RFX2: variants seen among roughly 807,000 people sequenced by gnomAD.
RFX2 encodes regulatory factor X2.
A neutral mutation model predicts 87.8 loss-of-function variants in RFX2; 20 were observed. The observed-to-expected ratio is 0.23, with a 90% CI of 0.16 to 0.33. The LOEUF (loss-of-function observed/expected upper bound fraction) is 0.33. RFX2 is among the 10% of genes least tolerant of loss of function. The probability of loss-of-function intolerance (pLI) is 1.00; values close to 1 mark genes in which losing one functional copy is unlikely to be tolerated. For synonymous variants in RFX2, 397 were observed against 431.3 expected (o/e 0.92, Z 0.98); for missense variants, 767 against 1,012.3 (o/e 0.76, Z 3.29).
intron 1 of RFX2, among the ~76,000 whole-genome samples, chr19:6,109,065 G>A (rs1369578651): frequency 1.3e-5 from 2 of 152,014 alleles, no homozygotes; most frequent in Non-Finnish European, 2.9e-5. Flanking sequence ...GGTGGGCGGT[G>A]GGGGCAGGGG....
rs1044787402 is a variant in RFX2 at position 6,017,813 on chromosome 19, A to G, written c.598-1542T>C. Among the ~76,000 whole-genome samples the G allele has an allele frequency of 6.6e-6, 1 of 151,870 alleles. No homozygotes were observed. The highest frequency in any genetic ancestry group is 6.6e-5 in the Admixed American group (1 of 15,264). ...GTCCCTGTGCCCCGCACACCCCACA[A>G]GACACAAAGTAGGCGTGTCCCCTGG... is the stretch of plus-strand genomic sequence containing the variant. On this transcript the variant is annotated intron_variant, in intron 6 of 17. Coordinates refer to ENST00000303657, the MANE Select transcript of RFX2 (RefSeq NM_000635.4). This position sits in a 1 kb window ranked among gnomAD's most constrained non-coding sequence, Gnocchi z 4.1.
At chr19:6,080,202 ATGTGTGTG>A (rs368062995) in intron 1 of RFX2, among the ~76,000 whole-genome samples, 8 of 138,506 alleles carry the variant, frequency 5.8e-5, no homozygotes, top group South Asian at 4.9e-4. Context: ...TGCCTGGTTA[ATGTGTGTG>A]TGTGTGTGTG....
chr19:6,034,176 T>C (rs1345022031), intron 5 of RFX2, among the ~76,000 whole-genome samples: 2 of 150,920 alleles, frequency 1.3e-5, no homozygotes, highest in African/African-American at 2.4e-5. Context: ...GCTCAGGTGA[T>C]CCTCCCACCT....
Position 6,040,280 on chromosome 19 carries a change from C to T in RFX2, c.261-39G>A. The T allele has an allele frequency of 6.7e-7, 1 of 1,485,826 alleles. No homozygotes were observed. 92.0% of individuals were successfully genotyped at this position (1,485,826 alleles called of 1,614,324 possible). A position where few individuals can be genotyped will look rare whatever the true frequency, so the allele number is the denominator to read the frequency against. The stretch of plus-strand genomic sequence containing the variant: ...AGAAGTCACGCATGGGACGCTGTCC[C>T]ATTTAAATGCCTTGTCTGAGTTCAC... On this transcript the variant is annotated intron_variant, in intron 4 of 17. Coordinates refer to ENST00000303657, the MANE Select transcript of RFX2 (RefSeq NM_000635.4). The surrounding 1 kb of genome is among the most constrained non-coding windows in gnomAD (Gnocchi z 6.1).
chr19:6,080,019 G>A (rs893953285), intron 1 of RFX2, among the ~76,000 whole-genome samples: 3 of 151,820 alleles, frequency 2.0e-5, no homozygotes, highest in African/African-American at 7.3e-5. Flanking sequence ...TCTACTGAGT[G>A]CCCAGCCCCA....
intron 1 of RFX2, among the ~76,000 whole-genome samples, chr19:6,099,830 G>A (rs953793776): frequency 9.2e-5 from 14 of 152,180 alleles, no homozygotes; most frequent in Non-Finnish European, 1.6e-4. Flanking sequence ...CCCCAGCTGG[G>A]AGGCAATTCT....
At chr19:6,109,227 C>A (rs904072629) in intron 1 of RFX2, 2 of 151,806 alleles carry the variant, frequency 1.3e-5, no homozygotes, top group Non-Finnish European at 2.9e-5. Context: ...CCAGATCAGT[C>A]CTAAGAGGAG....
At chr19:6,096,747 C>T (rs1306349367) in intron 1 of RFX2, among the ~76,000 whole-genome samples, 1 of 152,174 alleles carries the variant, frequency 6.6e-6, no homozygotes, top group Non-Finnish European at 1.5e-5. Flanking sequence ...CACCTGGCCT[C>T]GTTTCTTATA....
intron 1 of RFX2, among the ~76,000 whole-genome samples, chr19:6,105,833 G>T (rs73543063): frequency 0.034 from 5,199 of 152,100 alleles, 323 homozygotes; most frequent in African/African-American, 0.12. Flanking sequence ...GAGTTGATAT[G>T]TACCAACGAG....
chr19:6,004,091 G>A lies in RFX2; in HGVS notation c.1500+110C>T. On this transcript the variant is annotated intron_variant, in intron 13 of 17. Coordinates refer to ENST00000303657, the MANE Select transcript of RFX2 (RefSeq NM_000635.4). The surrounding 1 kb of genome is among the most constrained non-coding windows in gnomAD (Gnocchi z 4.8). ...TCCTGAAGGGATCGGTTACTCTCAT[G>A]ACGCAGGGAAGAAGCCAGCGCTCTC... 2.4e-6 allele frequency: 2 copies of A among 838,908 alleles called. No individual in the cohort carries two copies. Among genetic ancestry groups the A allele is most frequent in the South Asian group, 1.4e-5 (1 of 72,110 alleles). The allele number at this position is 838,908 out of a possible 1,614,324, so 52.0% of individuals were successfully genotyped here. A position where few individuals can be genotyped will look rare whatever the true frequency, so the allele number is the denominator to read the frequency against.
rs761894181 is a variant in RFX2, at chr19:6,017,744, G to A, written c.598-1473C>T. Among the ~76,000 whole-genome samples, 12 of 151,898 alleles carry A rather than the reference G, an allele frequency of 7.9e-5. No individual in the cohort carries two copies. Among genetic ancestry groups the A allele is most frequent in the South Asian group, 2.1e-4 (1 of 4,816 alleles). ...GCTGGGTCCTCAGCCCTCCCCCACC[G>A]GGCATGTTGGGCTCCTGCACAGCCC... On this transcript the variant is annotated intron_variant, in intron 6 of 17. Coordinates refer to ENST00000303657, the MANE Select transcript of RFX2 (RefSeq NM_000635.4). This position sits in a 1 kb window ranked among gnomAD's most constrained non-coding sequence, Gnocchi z 4.1.
chr19:6,102,548 C>T (rs1568198236), intron 1 of RFX2, among the ~76,000 whole-genome samples: 3 of 152,228 alleles, frequency 2.0e-5, no homozygotes, highest in African/African-American at 4.8e-5. Flanking sequence ...CCAAACTTTG[C>T]CCATGGCCTC....
Position 6,074,231 on chromosome 19 carries a change from CT to C in RFX2, c.-8-26728del, listed in dbSNP as rs1312384780. Among the ~76,000 whole-genome samples the C allele has an allele frequency of 6.6e-6, 1 of 152,188 alleles. No individual in the cohort carries two copies. The highest frequency in any genetic ancestry group is 1.9e-4 in the East Asian group (1 of 5,190). ...GTGCGGTACAGGAACAGATCTGGAG[CT>C]TGTGGCAGGAGTTCAGGTGGAACAT... is the stretch of plus-strand genomic sequence containing the variant. On this transcript the variant is annotated intron_variant, in intron 1 of 17. Coordinates refer to ENST00000303657, the MANE Select transcript of RFX2 (RefSeq NM_000635.4). This position sits in a 1 kb window ranked among gnomAD's most constrained non-coding sequence, Gnocchi z 5.2.
At chr19:5,995,685 G>A (rs2086397345) in intron 16 of RFX2, 42 bp from the exon 17 acceptor site, 16 of 1,540,726 alleles carry the variant, frequency 1.0e-5, no homozygotes, top group South Asian at 2.4e-5. Context: ...GCAGAGGGGC[G>A]GCAGTTGCTG....
intron 1 of RFX2, among the ~76,000 whole-genome samples, chr19:6,089,390 A>G (rs990708089): frequency 1.3e-5 from 2 of 152,186 alleles, no homozygotes; most frequent in Non-Finnish European, 2.9e-5. Context: ...GCAATGTCAC[A>G]GGGAAGGGGG....
intron 5 of RFX2, among the ~76,000 whole-genome samples, chr19:6,030,425 T>A (rs778251106): frequency 6.6e-6 from 1 of 152,182 alleles, no homozygotes; most frequent in Non-Finnish European, 1.5e-5. Flanking sequence ...GGTCCATCCA[T>A]ACAATGGAAT....
In RFX2 at chr19:6,044,475, C is replaced by T. The variant is rs1300373475; in HGVS notation, c.91-193G>A. Among the ~76,000 whole-genome samples the T allele has an allele frequency of 1.3e-5, 2 of 152,208 alleles. No homozygotes were observed. The highest frequency in any genetic ancestry group is 2.1e-4 in the South Asian group (1 of 4,836). ...GACCTGGGCAGACACACGGCAGGTA[C>T]GTGCAGGCACACAAACAATGCACAT... On this transcript the variant is annotated intron_variant, in intron 2 of 17. Transcript: ENST00000303657. This position sits in a 1 kb window ranked among gnomAD's most constrained non-coding sequence, Gnocchi z 5.3.
In RFX2 at chr19:6,039,444, GTTAAT is replaced by G. The variant is rs550781277; in HGVS notation, c.522+531_522+535del. On this transcript the variant is annotated intron_variant, in intron 5 of 17. Transcript: ENST00000303657. This position sits in a 1 kb window ranked among gnomAD's most constrained non-coding sequence, Gnocchi z 5.2. Reference sequence around the variant, plus strand: ...CACCAAAAAGTTGATTTTACTTTGTGTTAATTTAAGAAGGAAAATAAATGAAAAGT... The same window carrying G: ...CACCAAAAAGTTGATTTTACTTTGTGTTAAGAAGGAAAATAAATGAAAAGT... Among the ~76,000 whole-genome samples, 434 of 152,330 alleles carry G rather than the reference GTTAAT, an allele frequency of 2.8e-3. 2 individuals are homozygous for G. Among genetic ancestry groups the G allele is most frequent in the African/African-American group, 9.7e-3 (404 of 41,564 alleles).
Position 6,044,426 on chromosome 19 carries a change from T to C in RFX2, c.91-144A>G, listed in dbSNP as rs2087158209. 2 of 483,202 alleles carry C rather than the reference T, an allele frequency of 4.1e-6. No individual in the cohort carries two copies. Among genetic ancestry groups the C allele is most frequent in the Admixed American group, 4.3e-5 (1 of 23,084 alleles). The allele number at this position is 483,202 out of a possible 1,614,324, so 29.9% of individuals were successfully genotyped here. A position where few individuals can be genotyped will look rare whatever the true frequency, so the allele number is the denominator to read the frequency against. ...CTGATCAGAGGCGACGGCGGGGTGA[T>C]GGTCAGACTTGCACACTCACACCGA... On this transcript the variant is annotated intron_variant, in intron 2 of 17. Coordinates refer to ENST00000303657, the MANE Select transcript of RFX2 (RefSeq NM_000635.4). The surrounding 1 kb of genome is among the most constrained non-coding windows in gnomAD (Gnocchi z 5.3).
Sources: gnomAD v4.1 joint callset for allele counts (sites outside exome capture counted in the v4.1 genomes callset) on GRCh38, gnomAD v4.1.1 for gene constraint, Gnocchi (gnomAD v3.1) non-coding constraint, MANE v1.5 for transcripts, NCBI Gene and HGNC (gene_info 2026-07-23, HGNC 2026-07-21) for gene names.